The following GRIN3A variants were observed in gnomAD, a reference collection of about 807,000 sequenced individuals.
GRIN3A encodes glutamate ionotropic receptor NMDA type subunit 3A, also known as glutamate receptor ionotropic, NMDA 3A.
GRIN3A carries 47 observed loss-of-function variants against 92.4 expected under a neutral mutation model. That is an observed-to-expected ratio of 0.51 (90% confidence interval 0.40 to 0.65). The LOEUF (loss-of-function observed/expected upper bound fraction) is 0.65. GRIN3A is among the 30% of genes least tolerant of loss of function. GRIN3A has a pLI of 0.00. For missense variants in GRIN3A, 1,324 were observed against 1,393.1 expected, an observed-to-expected ratio of 0.95 and a Z score of 0.79; for synonymous variants, 527 against 540.6, an observed-to-expected ratio of 0.97 and a Z score of 0.35.
At chr9:101,643,157 T>C (rs933513212) in intron 3 of GRIN3A, among the ~76,000 whole-genome samples, 2 of 152,092 alleles carry the variant, frequency 1.3e-5, no homozygotes, top group African/African-American at 2.4e-5. Context: ...AGGGGGCTAA[T>C]ATACAAAATA....
chr9:101,632,205 C>G (rs1302844176), intron 3 of GRIN3A, among the ~76,000 whole-genome samples: 1 of 152,202 alleles, frequency 6.6e-6, no homozygotes, highest in East Asian at 1.9e-4. Flanking sequence ...CTAGCTAACT[C>G]TTAAATGTCA....
At chr9:101,735,422 T>C (rs1198770617) in intron 1 of GRIN3A, among the ~76,000 whole-genome samples, 5 of 151,700 alleles carry the variant, frequency 3.3e-5, no homozygotes, top group African/African-American at 9.7e-5. Flanking sequence ...TCTTAGAGCT[T>C]TGAAGTTTAC....
intron 3 of GRIN3A, among the ~76,000 whole-genome samples, chr9:101,657,690 G>T (rs1313202315): frequency 6.6e-6 from 1 of 151,928 alleles, no homozygotes; most frequent in Non-Finnish European, 1.5e-5. Context: ...GTGGTGGCAG[G>T]AGAGTGGGGC....
intron 6 of GRIN3A, chr9:101,600,998 A>T (rs1421447151): frequency 6.6e-6 from 1 of 152,372 alleles, no homozygotes; most frequent in East Asian, 1.9e-4. Flanking sequence ...GATGGACAAC[A>T]AAACATGTCA....
chr9:101,736,739 G>A (rs1000422341), intron 1 of GRIN3A, among the ~76,000 whole-genome samples: 13 of 152,078 alleles, frequency 8.5e-5, no homozygotes, highest in African/African-American at 1.9e-4. Flanking sequence ...TTTACCCAGA[G>A]GAATTCAGAG....
chr9:101,675,712 AT>A lies in GRIN3A; in HGVS notation c.1305-4606del, dbSNP rs548539268. On this transcript the variant is annotated intron_variant, in intron 2 of 8. Transcript: ENST00000361820. ...AAAGGTTTGAGCTTTGATTTATTGT[AT>A]TTTTCACATATAAAAATCTGCTGCT... is the stretch of plus-strand genomic sequence containing the variant. 8.6e-5 allele frequency among the ~76,000 whole-genome samples: 13 copies of A among 151,264 alleles called. No individual in the cohort carries two copies. In the East Asian group the frequency reaches 2.5e-3, roughly 30 times the overall value.
Position 101,572,075 on chromosome 9 carries a change from G to A in GRIN3A, c.*1099C>T, listed in dbSNP as rs1827768737. ...TTCATAGCTCCTCAGAGATGAGTGG[G>A]TGTGAGGATGGGGGATTGACTTGAT... is the stretch of plus-strand genomic sequence containing the variant. On this transcript the variant is annotated 3_prime_UTR_variant, in exon 9 of 9. Transcript: ENST00000361820. 1 of 152,380 alleles carries A rather than the reference G, an allele frequency of 6.6e-6. No homozygotes were observed. The highest frequency in any genetic ancestry group is 6.5e-5 in the Admixed American group (1 of 15,284). The allele number at this position is 152,380 out of a possible 1,614,324, so 9.4% of individuals were successfully genotyped here. A position where few individuals can be genotyped will look rare whatever the true frequency, so the allele number is the denominator to read the frequency against.
intron 3 of GRIN3A, among the ~76,000 whole-genome samples, chr9:101,653,447 C>T (rs965683199): frequency 6.6e-6 from 1 of 151,836 alleles, no homozygotes; most frequent in African/African-American, 2.4e-5. Flanking sequence ...AATTTTTTAG[C>T]TTACGTCTGT....
At chr9:101,676,240 C>T (rs1312118656) in intron 2 of GRIN3A, among the ~76,000 whole-genome samples, 1 of 151,802 alleles carries the variant, frequency 6.6e-6, no homozygotes, top group Non-Finnish European at 1.5e-5. Flanking sequence ...AATCATTTTT[C>T]ACTCATCAAT....
At chr9:101,641,033 T>C (rs1326223923) in intron 3 of GRIN3A, among the ~76,000 whole-genome samples, 1 of 152,200 alleles carries the variant, frequency 6.6e-6, no homozygotes, top group African/African-American at 2.4e-5. Flanking sequence ...CTTTATGAAC[T>C]GTCTCTCTGG....
At chr9:101,604,097 T>C (rs1352709766) in intron 6 of GRIN3A, among the ~76,000 whole-genome samples, 1 of 151,974 alleles carries the variant, frequency 6.6e-6, no homozygotes, top group Non-Finnish European at 1.5e-5. Flanking sequence ...GCACCCAGCA[T>C]GGGACATGGT....
At chr9:101,611,411 T>A (rs1260801006) in intron 6 of GRIN3A, among the ~76,000 whole-genome samples, 1 of 152,206 alleles carries the variant, frequency 6.6e-6, no homozygotes, top group Non-Finnish European at 1.5e-5. Context: ...GACTACAGTA[T>A]GGCCTCCTTT....
chr9:101,599,220 T>C (rs1343720719), intron 6 of GRIN3A, among the ~76,000 whole-genome samples: 1 of 152,178 alleles, frequency 6.6e-6, no homozygotes, highest in Admixed American at 6.5e-5. Context: ...GTAGCGTATA[T>C]AGAAATGTTA....
intron 2 of GRIN3A, among the ~76,000 whole-genome samples, chr9:101,684,042 T>C (rs1226595824): frequency 2.6e-5 from 4 of 151,928 alleles, no homozygotes; most frequent in African/African-American, 9.7e-5. Context: ...TCTATGTCAA[T>C]CCCCTGCCCT....
intron 1 of GRIN3A, among the ~76,000 whole-genome samples, chr9:101,719,477 T>C (rs1829986006): frequency 6.6e-6 from 1 of 151,976 alleles, no homozygotes; most frequent in African/African-American, 2.4e-5. Context: ...ATTTCAGTGT[T>C]TCAATGGCCT....
chr9:101,586,838 A>G (rs966322846), intron 6 of GRIN3A, among the ~76,000 whole-genome samples: 2 of 152,192 alleles, frequency 1.3e-5, no homozygotes, highest in African/African-American at 2.4e-5. Flanking sequence ...AACACTGGAT[A>G]TCAAAGGTGT....
chr9:101,651,951 T>G (rs7038036), intron 3 of GRIN3A, among the ~76,000 whole-genome samples: 82,282 of 151,692 alleles, frequency 0.54, 22,374 homozygotes, highest in African/African-American at 0.57. Context: ...TGGATTCTGA[T>G]CCCTTAAATT....
intron 3 of GRIN3A, among the ~76,000 whole-genome samples, chr9:101,667,583 G>T (rs1391189138): frequency 1.3e-5 from 2 of 151,868 alleles, no homozygotes; most frequent in Non-Finnish European, 2.9e-5. Context: ...CCTCTGAATT[G>T]CTCTACCTTA....
intron 1 of GRIN3A, among the ~76,000 whole-genome samples, chr9:101,689,981 T>A (rs1394042901): frequency 6.6e-6 from 1 of 152,162 alleles, no homozygotes; most frequent in Non-Finnish European, 1.5e-5. Context: ...ATTGTTTTTC[T>A]CCTAAATCAG....
Sources: allele counts gnomAD v4.1 joint callset (sites outside exome capture counted in the v4.1 genomes callset), GRCh38; gene constraint gnomAD v4.1.1; transcripts MANE v1.5; gene names NCBI Gene and HGNC (gene_info 2026-07-23, HGNC 2026-07-21).